AFDN: variants seen among roughly 807,000 people sequenced by gnomAD.
AFDN encodes the protein afadin, adherens junction formation factor, also known as afadin.
AFDN carries 68 observed loss-of-function variants against 216.6 expected under a neutral mutation model. The observed-to-expected ratio is 0.31, with a 90% CI of 0.26 to 0.38. The LOEUF (loss-of-function observed/expected upper bound fraction) is 0.38. Among genes scored for constraint, AFDN ranks in the 10% least tolerant of loss-of-function variants. AFDN has a pLI of 1.00. For synonymous variants in AFDN, 868 were observed against 853.7 expected, an observed-to-expected ratio of 1.02 and a Z score of -0.29; for missense variants, 2,136 against 2,342.0, an observed-to-expected ratio of 0.91 and a Z score of 1.82.
chr6:167,856,960 C>G (rs1458056663), intron 1 of AFDN, among the ~76,000 whole-genome samples: 1 of 151,968 alleles, frequency 6.6e-6, no homozygotes, highest in Non-Finnish European at 1.5e-5. Context: ...ATTTATATAT[C>G]TTAATGGATA....
intron 18 of AFDN, 64 bp from the exon 19 acceptor site, chr6:167,915,104 A>C: frequency 3.9e-6 from 6 of 1,549,108 alleles, no homozygotes; most frequent in Non-Finnish European, 5.3e-6. Context: ...AATCTGCTGC[A>C]CATTCAAAGG....
At chr6:167,902,427 T>TAGG in intron 12 of AFDN, 41 bp downstream of exon 12, 1 of 1,425,052 alleles carries the variant, frequency 7.0e-7, no homozygotes, top group Non-Finnish European at 9.9e-7. Flanking sequence ...GTGCTTGCTA[T>TAGG]AGGACACCAT....
intron 22 of AFDN, among the ~76,000 whole-genome samples, chr6:167,923,844 C>T (rs1486906524): frequency 4.6e-5 from 7 of 151,874 alleles, no homozygotes; most frequent in African/African-American, 9.7e-5. Flanking sequence ...AGCCTGGTCT[C>T]GAACTCCTGA....
rs558581732 is a variant in AFDN, at chr6:167,849,947, G to A, written c.106-14604G>A. 6.6e-5 allele frequency among the ~76,000 whole-genome samples: 10 copies of A among 152,252 alleles called. No homozygotes were observed. The East Asian group carries it at 1.9e-3, about 29-fold the overall frequency. Reference sequence around the variant, plus strand: ...CAGCTTGACCTCCTTTCAGAAGTCCGTGTGCTGATTTACACAGCTTACCTT... The same window carrying A: ...CAGCTTGACCTCCTTTCAGAAGTCCATGTGCTGATTTACACAGCTTACCTT... On this transcript the variant is annotated intron_variant, in intron 1 of 33. Transcript: ENST00000683244.
At chr6:167,842,870 G>A (rs942028638) in intron 1 of AFDN, among the ~76,000 whole-genome samples, 1 of 152,066 alleles carries the variant, frequency 6.6e-6, no homozygotes, top group African/African-American at 2.4e-5. Flanking sequence ...GTTGTCTTTA[G>A]CATCTCCAGT....
At chr6:167,920,605 T>A (rs1016871350) in intron 21 of AFDN, among the ~76,000 whole-genome samples, 3 of 152,206 alleles carry the variant, frequency 2.0e-5, no homozygotes, top group African/African-American at 7.2e-5. Context: ...AACCATGGTT[T>A]GCGGATGGCG....
At position 167,971,075 on chromosome 6, in the gene AFDN, G is replaced by A. The variant is rs1044292; in HGVS notation, c.*1140G>A. The A allele has an allele frequency of 0.1, 22,360 of 220,268 alleles. 1,346 individuals carry two copies. Among genetic ancestry groups the A allele is most frequent in the South Asian group, 0.21 (1,152 of 5,392 alleles). 13.6% of individuals were successfully genotyped at this position (220,268 alleles called of 1,614,324 possible). A position where few individuals can be genotyped will look rare whatever the true frequency, so the allele number is the denominator to read the frequency against. On this transcript the variant is annotated 3_prime_UTR_variant, in exon 34 of 34. Transcript: ENST00000683244. Reference sequence around the variant, plus strand: ...GCTATGGATATGTGGCTGATGTTGGGGAGACGGACCTCAGTGTGTTTTATA... The same window carrying A: ...GCTATGGATATGTGGCTGATGTTGGAGAGACGGACCTCAGTGTGTTTTATA...
At chr6:167,906,565 T>A (rs945249789) in intron 12 of AFDN, among the ~76,000 whole-genome samples, 9 of 152,230 alleles carry the variant, frequency 5.9e-5, no homozygotes, top group African/African-American at 2.2e-4. Flanking sequence ...TTAATGTAGG[T>A]AACTCATCCT....
At chr6:167,955,018 A>G (rs1477965537) in intron 30 of AFDN, among the ~76,000 whole-genome samples, 1 of 152,152 alleles carries the variant, frequency 6.6e-6, no homozygotes, top group African/African-American at 2.4e-5. Context: ...CCAATTTATC[A>G]GTCTGCTGAA....
intron 1 of AFDN, among the ~76,000 whole-genome samples, chr6:167,830,044 A>G (rs1261133944): frequency 1.3e-5 from 2 of 152,232 alleles, no homozygotes; most frequent in East Asian, 1.9e-4. Context: ...TTGTTATTTT[A>G]TAACCAGGAG....
chr6:167,838,812 T>C (rs1780732087), intron 1 of AFDN, among the ~76,000 whole-genome samples: 1 of 152,206 alleles, frequency 6.6e-6, no homozygotes, highest in Non-Finnish European at 1.5e-5. Flanking sequence ...TATTTTTCTT[T>C]CATGAATCAT....
In AFDN at chr6:167,965,809, A is replaced by G; in HGVS notation, c.5021A>G (p.Gln1674Arg). ...CGCCTGGAAGCCGAGAGGCGCAGAC[A>G]GCACGACGAGGCGGCGCGCAGGTTG... ...YSRLEAERRR[Q>R]HDEAARRLLE... The change falls in exon 32 of 34, where the codon CAG becomes CGG. Residue 1674 changes from glutamine to arginine, a missense_variant. By Grantham distance (43) the Gln-to-Arg change is conservative. This residue lies in a region of AFDN where 981 missense variants were observed against 966.0 expected (regional missense o/e 1.02). Transcript: ENST00000683244. The G allele has an allele frequency of 6.4e-7, 1 of 1,568,798 alleles. No homozygotes were observed.
chr6:167,876,714 A>C (rs1785430203), intron 5 of AFDN, among the ~76,000 whole-genome samples: 1 of 152,222 alleles, frequency 6.6e-6, no homozygotes, highest in Admixed American at 6.5e-5. Flanking sequence ...ATCTAACTTT[A>C]AAAAATATTT....
chr6:167,969,093 A>G (rs41266295), intron 32 of AFDN, 21 bp from the exon 33 acceptor site: 44,215 of 1,571,338 alleles, frequency 0.028, 730 homozygotes, highest in African/African-American at 0.041. Context: ...TTTAACTTGT[A>G]CTGTTTCTTT....
chr6:167,965,840 G>A lies in AFDN; in HGVS notation c.5052G>A (p.Glu1684=), dbSNP rs1357461671. ...QHDEAARRLL[E]PEAPGLCRPP... is the part of the protein sequence containing the mutation. Reference sequence around the variant, plus strand: ...ACGAGGCGGCGCGCAGGTTGCTGGAGCCCGAGGCGCCCGGTCTGTGCCGCC... The same window carrying A: ...ACGAGGCGGCGCGCAGGTTGCTGGAACCCGAGGCGCCCGGTCTGTGCCGCC... Residue 1684 remains glutamate (E), a synonymous_variant, in exon 32 of 34, where the codon GAG becomes GAA. Transcript: ENST00000683244. 6.4e-7 allele frequency: 1 copy of A among 1,550,476 alleles called. No individual in the cohort carries two copies. Among genetic ancestry groups the A allele is most frequent in the African/African-American group, 1.4e-5 (1 of 73,244 alleles).
rs1351754677 is a variant in AFDN at position 167,857,800 on chromosome 6, T to C, written c.106-6751T>C. 2.6e-5 allele frequency among the ~76,000 whole-genome samples: 4 copies of C among 152,166 alleles called. No homozygotes were observed. In the East Asian group the frequency reaches 7.7e-4, roughly 29 times the overall value. ...TTTTACAGATATTTTAGTTATGTTT[T>C]AATGTAGTCCTTTGAGAACCAACTC... is the stretch of plus-strand genomic sequence containing the variant. On this transcript the variant is annotated intron_variant, in intron 1 of 33. Transcript: ENST00000683244.
intron 30 of AFDN, among the ~76,000 whole-genome samples, chr6:167,953,470 C>T (rs935936184): frequency 6.6e-6 from 1 of 152,106 alleles, no homozygotes; most frequent in Non-Finnish European, 1.5e-5. Context: ...CAAAATTCAG[C>T]TTGAATCCCC....
At chr6:167,891,850 C>G (rs886696884) in intron 8 of AFDN, among the ~76,000 whole-genome samples, 2 of 151,728 alleles carry the variant, frequency 1.3e-5, no homozygotes, top group African/African-American at 4.8e-5. Flanking sequence ...TGGTGCACCC[C>G]CATCCCAAGC....
chr6:167,859,005 G>A (rs1385827714), intron 1 of AFDN, among the ~76,000 whole-genome samples: 3 of 151,772 alleles, frequency 2.0e-5, no homozygotes, highest in Non-Finnish European at 4.4e-5. Context: ...CTAGGAAGAC[G>A]GTTTCTTGGG....
Sources: gnomAD v4.1 joint callset for allele counts (sites outside exome capture counted in the v4.1 genomes callset) on GRCh38, gnomAD v4.1.1 for gene constraint, gnomAD v4.1.1 regional missense constraint, MANE v1.5 for transcripts, NCBI Gene and HGNC (gene_info 2026-07-23, HGNC 2026-07-21) for gene names.